Variants in PGAP4 observed in about 807,000 individuals in gnomAD.
The protein encoded by PGAP4 is GPI-N-acetylgalactosamine transferase PGAP4.
Under a neutral mutation model 28.2 loss-of-function variants are expected in PGAP4, and 12 were observed. That is an observed-to-expected ratio of 0.42 (90% CI 0.27 to 0.69). The LOEUF (loss-of-function observed/expected upper bound fraction) is 0.69. Among genes scored for constraint, PGAP4 ranks in the 30% least tolerant of loss-of-function variants. The probability of loss-of-function intolerance (pLI) is 0.22; values close to 1 mark genes in which losing one functional copy is unlikely to be tolerated. For synonymous variants in PGAP4, 205 were observed against 211.8 expected (o/e 0.97, Z 0.28); for missense variants, 425 against 513.5 (o/e 0.83, Z 1.67).
chr9:101,484,043 G>C (rs1826553032), intron 1 of PGAP4, among the ~76,000 whole-genome samples: 1 of 152,006 alleles, frequency 6.6e-6, no homozygotes, highest in Non-Finnish European at 1.5e-5. Context: ...GGGGTGTTGG[G>C]GCAGTATCTA....
At position 101,486,771 on chromosome 9, in the gene PGAP4, G is replaced by C. The variant is rs948275873; in HGVS notation, c.-78+178C>G. On this transcript the variant is annotated intron_variant, in intron 1 of 1. Coordinates refer to ENST00000374848, the MANE Select transcript of PGAP4 (RefSeq NM_032342.3). The surrounding 1 kb of genome is among the most constrained non-coding windows in gnomAD (Gnocchi z 4.7). ...TGCGGGCAGGGCCGCTAGGCAACCC[G>C]CCTGCCCGAGGCGCACTGCCCGGGG... is the stretch of plus-strand genomic sequence containing the variant. Among the ~76,000 whole-genome samples, 4 of 152,260 alleles carry C rather than the reference G, an allele frequency of 2.6e-5. No homozygotes were observed. The highest frequency in any genetic ancestry group is 5.9e-5 in the Non-Finnish European group (4 of 67,982).
At chr9:101,508,955 G>C (rs1381382620) in intron 2 of PGAP4, among the ~76,000 whole-genome samples, 2 of 152,072 alleles carry the variant, frequency 1.3e-5, no homozygotes, top group Admixed American at 6.6e-5. Context: ...ATGGAAACAG[G>C]CTTTTCAGTG....
At position 101,525,665 on chromosome 9, in the gene PGAP4, G is replaced by A. The variant is rs372468501; in HGVS notation, c.-165+5683C>T. Among the ~76,000 whole-genome samples, 38 of 134,902 alleles carry A rather than the reference G, an allele frequency of 2.8e-4. No individual in the cohort carries two copies. In the South Asian group the frequency reaches 7.3e-3, roughly 26 times the overall value. 88.5% of individuals were successfully genotyped at this position (134,902 alleles called of 152,430 possible). A position where few individuals can be genotyped will look rare whatever the true frequency, so the allele number is the denominator to read the frequency against. Reference sequence around the variant, plus strand: ...GGAGCTTGCAGTGAGACAAGATTGCGCCATTGCACTCCAGCCTCGGCAACA... The same window carrying A: ...GGAGCTTGCAGTGAGACAAGATTGCACCATTGCACTCCAGCCTCGGCAACA... On this transcript the variant is annotated intron_variant, in intron 2 of 3. Transcript: ENST00000374851.
chr9:101,500,081 G>A (rs11794692), intron 2 of PGAP4, among the ~76,000 whole-genome samples: 13,894 of 151,930 alleles, frequency 0.091, 690 homozygotes, highest in Middle Eastern at 0.14. Flanking sequence ...CCAGAATTAT[G>A]TTTTGCATGT....
intron 2 of PGAP4, among the ~76,000 whole-genome samples, chr9:101,525,689 C>T (rs1827029710): frequency 9.7e-6 from 1 of 103,332 alleles, no homozygotes; most frequent in African/African-American, 4.0e-5. Context: ...GCCTCGGCAA[C>T]AGAGCGTCTC....
At chr9:101,522,333 T>A (rs1463710683) in intron 2 of PGAP4, among the ~76,000 whole-genome samples, 1 of 152,192 alleles carries the variant, frequency 6.6e-6, no homozygotes, top group Non-Finnish European at 1.5e-5. Context: ...CTACTATTAT[T>A]ATGTTGCTGT....
At chr9:101,502,141 C>A (rs1172736003) in intron 2 of PGAP4, among the ~76,000 whole-genome samples, 1 of 152,034 alleles carries the variant, frequency 6.6e-6, no homozygotes, top group East Asian at 1.9e-4. Context: ...CTTGGCTCTA[C>A]AGATACATTT....
intron 2 of PGAP4, among the ~76,000 whole-genome samples, chr9:101,520,114 T>C (rs1826977058): frequency 6.6e-6 from 1 of 152,200 alleles, no homozygotes; most frequent in Non-Finnish European, 1.5e-5. Flanking sequence ...TTTTGGTGAC[T>C]ATGGCCTTAT....
At chr9:101,497,060 A>T (rs146184412) in intron 2 of PGAP4, among the ~76,000 whole-genome samples, 3 of 150,810 alleles carry the variant, frequency 2.0e-5, no homozygotes, top group African/African-American at 7.2e-5. Flanking sequence ...GGAATAATCT[A>T]TCTCATTTAT....
Position 101,476,949 on chromosome 9 carries a change from G to T in PGAP4, c.144C>A (p.His48Gln). The T allele has an allele frequency of 6.2e-7, 1 of 1,614,172 alleles. No homozygotes were observed. Among genetic ancestry groups the T allele is most frequent in the Non-Finnish European group, 8.5e-7 (1 of 1,180,032 alleles). ...GCCAATGGCGCAGATAGAAGTAAGA[G>T]TGTAGAAGTCGGTGACAGGCCAGGG... ...LAPLACHRLL[H>Q]SYFYLRHWHL... Residue 48 changes from histidine (H) to glutamine (Q), a missense_variant, in exon 2 of 2, where the codon CAC (histidine) becomes CAA (glutamine). Physicochemically the swap from His to Gln is conservative, Grantham distance 24. Coordinates refer to ENST00000374848, the MANE Select transcript of PGAP4 (RefSeq NM_032342.3). This position sits in a 1 kb window ranked among gnomAD's most constrained non-coding sequence, Gnocchi z 7.0.
chr9:101,531,082 T>A (rs1827084648), intron 2 of PGAP4, among the ~76,000 whole-genome samples: 1 of 152,096 alleles, frequency 6.6e-6, no homozygotes, highest in South Asian at 2.1e-4. Flanking sequence ...TGCAAATCTT[T>A]CCTGGGGCTC....
At chr9:101,531,729 C>T (rs117926435) in intron 1 of PGAP4, among the ~76,000 whole-genome samples, 1,611 of 152,164 alleles carry the variant, frequency 0.011, 9 homozygotes, top group Non-Finnish European at 0.017. Flanking sequence ...AATCAAAGTG[C>T]TATATGGATA....
chr9:101,515,872 A>G (rs1273450164), intron 2 of PGAP4, among the ~76,000 whole-genome samples: 2 of 152,134 alleles, frequency 1.3e-5, no homozygotes, highest in Non-Finnish European at 2.9e-5. Flanking sequence ...GTTCTATTGC[A>G]TAGTAGGGTG....
At chr9:101,492,356 C>A (rs1279496575) in intron 2 of PGAP4, among the ~76,000 whole-genome samples, 1 of 152,036 alleles carries the variant, frequency 6.6e-6, no homozygotes, top group African/African-American at 2.4e-5. Flanking sequence ...CCATGCTCAG[C>A]TAATTTTTTG....
chr9:101,475,938 C>A lies in PGAP4; in HGVS notation c.1155G>T (p.Val385=). 2 of 1,614,228 alleles carry A rather than the reference C, an allele frequency of 1.2e-6. No individual in the cohort carries two copies. Among genetic ancestry groups the A allele is most frequent in the Non-Finnish European group, 1.7e-6 (2 of 1,180,042 alleles). The change falls in exon 2 of 2, where the codon GTG becomes GTT. Residue 385 remains valine (V), a synonymous_variant. Coordinates refer to ENST00000374848, the MANE Select transcript of PGAP4 (RefSeq NM_032342.3). ...ERAYVVEPNL[V]KHIGLFSSLR... Reference sequence around the variant, plus strand: ...GACTGGAGAAGAGCCCGATGTGTTTCACGAGGTTCGGCTCCACTACATAGG... The same window carrying A: ...GACTGGAGAAGAGCCCGATGTGTTTAACGAGGTTCGGCTCCACTACATAGG...
At chr9:101,526,381 T>C (rs1827036177) in intron 2 of PGAP4, among the ~76,000 whole-genome samples, 1 of 152,250 alleles carries the variant, frequency 6.6e-6, no homozygotes, top group African/African-American at 2.4e-5. Flanking sequence ...CCATTAAAAG[T>C]ATCTTTCTCC....
At chr9:101,525,860 T>C (rs1403019129) in intron 2 of PGAP4, among the ~76,000 whole-genome samples, 1 of 152,202 alleles carries the variant, frequency 6.6e-6, no homozygotes, top group African/African-American at 2.4e-5. Context: ...GAATTCTATA[T>C]TCGAGGACAT....
chr9:101,510,568 A>C (rs2118608934), intron 2 of PGAP4, among the ~76,000 whole-genome samples: 1 of 152,252 alleles, frequency 6.6e-6, no homozygotes, highest in South Asian at 2.1e-4. Flanking sequence ...TAAGTAGGAC[A>C]CTTGGTATTT....
intron 1 of PGAP4, among the ~76,000 whole-genome samples, chr9:101,482,309 GGTGGCACGTGCCT>G (rs1826513241): frequency 6.6e-6 from 1 of 152,150 alleles, no homozygotes; most frequent in African/African-American, 2.4e-5. Flanking sequence ...AGCTGGGTGT[GGTGGCACGTGCCT>G]GTAATCCCAG....
Sources: gnomAD v4.1 joint callset for allele counts (sites outside exome capture counted in the v4.1 genomes callset) on GRCh38, gnomAD v4.1.1 for gene constraint, Gnocchi (gnomAD v3.1) non-coding constraint, MANE v1.5 for transcripts, NCBI Gene and HGNC (gene_info 2026-07-23, HGNC 2026-07-21) for gene names.